The following EYA2 variants were observed in gnomAD, a reference collection of about 807,000 sequenced individuals.
EYA2 encodes protein phosphatase EYA2.
EYA2 carries 31 observed loss-of-function variants against 69.2 expected under a neutral mutation model. The observed-to-expected ratio is 0.45, with a 90% CI of 0.34 to 0.60. EYA2 has a LOEUF of 0.60. Among genes scored for constraint, EYA2 ranks in the 20% least tolerant of loss-of-function variants. EYA2 has a pLI of 0.02. For missense variants in EYA2, 622 were observed against 701.2 expected (o/e 0.89, Z 1.28); for synonymous variants, 257 against 279.4 (o/e 0.92, Z 0.80).
intron 10 of EYA2, among the ~76,000 whole-genome samples, chr20:47,156,581 T>C (rs141358289): frequency 3.9e-5 from 6 of 151,984 alleles, no homozygotes; most frequent in Admixed American, 6.5e-5. Context: ...GTGTGATTTA[T>C]CCTGATAGCT....
chr20:46,956,564 C>T (rs1160688015), intron 1 of EYA2, among the ~76,000 whole-genome samples: 2 of 152,148 alleles, frequency 1.3e-5, no homozygotes, highest in East Asian at 3.9e-4. Flanking sequence ...AGGGAAGGGT[C>T]TGGTATCCAA....
chr20:47,026,813 C>T (rs1249298672), intron 5 of EYA2, among the ~76,000 whole-genome samples: 1 of 152,228 alleles, frequency 6.6e-6, no homozygotes, highest in Non-Finnish European at 1.5e-5. Flanking sequence ...CCCATTGCTG[C>T]CCCTCTAGAA....
intron 9 of EYA2, among the ~76,000 whole-genome samples, chr20:47,124,345 G>A (rs1237557260): frequency 6.6e-6 from 1 of 152,130 alleles, no homozygotes; most frequent in African/African-American, 2.4e-5. Flanking sequence ...TTCTAAGATG[G>A]AGTCACTTAT....
At chr20:46,918,372 G>T (rs928856745) in intron 1 of EYA2, among the ~76,000 whole-genome samples, 1 of 148,830 alleles carries the variant, frequency 6.7e-6, no homozygotes, top group Admixed American at 6.7e-5. Context: ...GCAATGGCAC[G>T]ATCTCGGCTC....
rs560535195 is a variant in EYA2 at position 46,997,087 on chromosome 20, GGTT to G, written c.110-4337_110-4335del. ...GGGATTTCTGTTCCGCACAGGTAGA[GGTT>G]GTTCTGGGTGTGAACGGCTACAAAA... On this transcript the variant is annotated intron_variant, in intron 2 of 15. Transcript: ENST00000327619. Among the ~76,000 whole-genome samples, 54 of 152,278 alleles carry G rather than the reference GGTT, an allele frequency of 3.5e-4. 1 individual carries two copies. In the South Asian group the frequency reaches 7.1e-3, roughly 20 times the overall value.
rs774269626 is a variant in EYA2 at position 47,072,239 on chromosome 20, G to T, written c.470G>T (p.Gly157Val). 11 of 1,612,094 alleles carry T rather than the reference G, an allele frequency of 6.8e-6. No individual in the cohort carries two copies. The South Asian group carries it at 9.9e-5, about 15-fold the overall frequency. ...GGACTGGGCAACGCAGCCGGTTTCGGGAGTGTGCACCAGGTAGACATGGCT... is the reference window on the plus strand; with the variant it reads ...GGACTGGGCAACGCAGCCGGTTTCGTGAGTGTGCACCAGGTAGACATGGCT... ...GNGLGNAAGFGSVHQDYPSYP... is the reference protein window; with the variant it reads ...GNGLGNAAGFVSVHQDYPSYP... Residue 157 changes from glycine (G) to valine (V), a missense_variant, in exon 6 of 16, where the codon GGG becomes GTG. Physicochemically the swap from Gly to Val is moderately radical, Grantham distance 109. Transcript: ENST00000327619.
chr20:46,907,689 A>G (rs1984428858), intron 1 of EYA2, among the ~76,000 whole-genome samples: 1 of 152,104 alleles, frequency 6.6e-6, no homozygotes, highest in Non-Finnish European at 1.5e-5. Context: ...AAATAAAACA[A>G]TTAGCCAGGT....
chr20:46,978,736 C>T (rs1263427478), intron 1 of EYA2: 7 of 531,078 alleles, frequency 1.3e-5, no homozygotes, highest in East Asian at 5.5e-5. Flanking sequence ...GGGGGGCTGC[C>T]GTGGTCTTCC....
rs564511504 is a variant in EYA2 at position 46,982,479 on chromosome 20, A to G, written c.-10-7522A>G. ...CAGAACTTCTTGATTCCATGACTTGATATCTGTCATCCATCTGGCAAGGTC... is the reference window on the plus strand; with the variant it reads ...CAGAACTTCTTGATTCCATGACTTGGTATCTGTCATCCATCTGGCAAGGTC... On this transcript the variant is annotated intron_variant, in intron 1 of 15. Transcript: ENST00000327619. Among the ~76,000 whole-genome samples, 14 of 152,230 alleles carry G rather than the reference A, an allele frequency of 9.2e-5. No homozygotes were observed. In the South Asian group the frequency reaches 2.7e-3, roughly 29 times the overall value.
chr20:46,998,996 G>T (rs965279974), intron 2 of EYA2, among the ~76,000 whole-genome samples: 25 of 152,130 alleles, frequency 1.6e-4, no homozygotes, highest in Non-Finnish European at 1.5e-5. Flanking sequence ...GTCTGCTGGG[G>T]AAGGCAGGTT....
At chr20:47,156,085 TAC>T (rs1320084095) in intron 10 of EYA2, among the ~76,000 whole-genome samples, 1 of 28,790 alleles carries the variant, frequency 3.5e-5, no homozygotes, top group South Asian at 1.1e-3. Flanking sequence ...CACATATATA[TAC>T]ATACACACAC....
At chr20:47,019,143 G>T (rs1249631363) in intron 5 of EYA2, among the ~76,000 whole-genome samples, 1 of 152,192 alleles carries the variant, frequency 6.6e-6, no homozygotes, top group African/African-American at 2.4e-5. Flanking sequence ...CACTCTCTTA[G>T]ATCCATCTAG....
At chr20:46,921,763 T>A (rs1985191058) in intron 1 of EYA2, among the ~76,000 whole-genome samples, 2 of 152,238 alleles carry the variant, frequency 1.3e-5, no homozygotes, top group Admixed American at 1.3e-4. Context: ...AGATTCCCAA[T>A]GACCTCATTT....
At position 46,988,770 on chromosome 20, in the gene EYA2, G is replaced by A. The variant is rs575847311; in HGVS notation, c.-10-1231G>A. Among the ~76,000 whole-genome samples, 14 of 152,326 alleles carry A rather than the reference G, an allele frequency of 9.2e-5. No individual in the cohort carries two copies. In the South Asian group the frequency reaches 2.9e-3, roughly 32 times the overall value. ...AGGCTGGAAGGCAGTGGCACGATTAGAGCTCACTGCACCTTCCATCTACCC... is the reference window on the plus strand; with the variant it reads ...AGGCTGGAAGGCAGTGGCACGATTAAAGCTCACTGCACCTTCCATCTACCC... On this transcript the variant is annotated intron_variant, in intron 1 of 15. Transcript: ENST00000327619.
At chr20:47,049,860 A>ACAC (rs138669179) in intron 5 of EYA2, among the ~76,000 whole-genome samples, 82 of 126,306 alleles carry the variant, frequency 6.5e-4, no homozygotes, top group African/African-American at 2.4e-3. Flanking sequence ...TCTGTGACAG[A>ACAC]CCCCCCCCCC....
chr20:47,096,642 T>A (rs777384622), intron 8 of EYA2, among the ~76,000 whole-genome samples: 1 of 152,216 alleles, frequency 6.6e-6, no homozygotes, highest in Non-Finnish European at 1.5e-5. Context: ...TGTCTCAAGT[T>A]GAAAAATCAG....
intron 4 of EYA2, among the ~76,000 whole-genome samples, chr20:47,011,669 A>G (rs1204702958): frequency 1.3e-5 from 2 of 151,850 alleles, no homozygotes; most frequent in Non-Finnish European, 2.9e-5. Context: ...TGCTTCCTTC[A>G]GGTCTTTGTT....
At chr20:47,093,908 C>A (rs546940280) in intron 8 of EYA2, among the ~76,000 whole-genome samples, 2 of 152,228 alleles carry the variant, frequency 1.3e-5, no homozygotes, top group Non-Finnish European at 2.9e-5. Context: ...ATGTGCCTTA[C>A]GCTGCCCTTG....
chr20:47,146,584 G>T (rs562320705), intron 10 of EYA2, among the ~76,000 whole-genome samples: 1 of 152,330 alleles, frequency 6.6e-6, no homozygotes, highest in African/African-American at 2.4e-5. Context: ...CACGTTATAC[G>T]ATGATGAAGT....
Sources: allele counts gnomAD v4.1 joint callset (sites outside exome capture counted in the v4.1 genomes callset), GRCh38; gene constraint gnomAD v4.1.1; transcripts MANE v1.5; gene names NCBI Gene and HGNC (gene_info 2026-07-23, HGNC 2026-07-21).